Variants in MINDY3 observed in about 807,000 individuals in gnomAD.
MINDY3 encodes ubiquitin carboxyl-terminal hydrolase MINDY-3.
Under a neutral mutation model 69.2 loss-of-function variants are expected in MINDY3, and 38 were observed. The observed-to-expected ratio is 0.55, with a 90% CI of 0.42 to 0.72. The LOEUF is 0.72. Among genes scored for constraint, MINDY3 ranks in the 30% least tolerant of loss-of-function variants. The pLI is 0.00. For missense variants in MINDY3, 522 were observed against 519.0 expected (o/e 1.01, Z -0.06); for synonymous variants, 192 against 180.1 (o/e 1.07, Z -0.53).
chr10:15,840,376 C>G (rs1538562), intron 4 of MINDY3, among the ~76,000 whole-genome samples: 9 of 151,712 alleles, frequency 5.9e-5, no homozygotes, highest in Non-Finnish European at 7.4e-5. Flanking sequence ...TATAGCTGTT[C>G]AAATGTTCAA....
At position 15,847,804 on chromosome 10, in the gene MINDY3, G is replaced by A. The variant is rs887631921; in HGVS notation, c.174+60C>T. The A allele has an allele frequency of 4.2e-5, 51 of 1,225,286 alleles. 1 individual carries two copies. Among genetic ancestry groups the A allele is most frequent in the Middle Eastern group, 1.9e-4 (1 of 5,264 alleles). The allele number at this position is 1,225,286 out of a possible 1,614,324, so 75.9% of individuals were successfully genotyped here. On this transcript the variant is annotated intron_variant, in intron 2 of 14. Transcript: ENST00000277632. ...ATATGGAGTACAGACATTAGAAAAC[G>A]ACAAGTATGAAACGTTTCAAAATGT...
rs1836300770 is a variant in MINDY3 at position 15,778,952 on chromosome 10, C to T, written c.*40G>A. The T allele has an allele frequency of 6.3e-7, 1 of 1,577,682 alleles. No individual in the cohort carries two copies. The highest frequency in any genetic ancestry group is 8.7e-7 in the Non-Finnish European group (1 of 1,155,220). On this transcript the variant is annotated 3_prime_UTR_variant, in exon 15 of 15. Coordinates refer to ENST00000277632, the MANE Select transcript of MINDY3 (RefSeq NM_024948.4). ...TGCCAGTCTTGACTCCTTCTTTCAA[C>T]ATCTGTTATTAAGATCTTCCTTATA...
At chr10:15,803,787 A>G (rs1419878611) in intron 10 of MINDY3, among the ~76,000 whole-genome samples, 1 of 152,134 alleles carries the variant, frequency 6.6e-6, no homozygotes, top group Non-Finnish European at 1.5e-5. Flanking sequence ...ATTATCTTCC[A>G]AGATGAAGTT....
chr10:15,786,504 A>G, intron 13 of MINDY3, 57 bp downstream of exon 13: 1 of 1,038,284 alleles, frequency 9.6e-7, no homozygotes, highest in Non-Finnish European at 1.5e-6. Flanking sequence ...GCTGCAAACA[A>G]TCACAGGTAA....
intron 2 of MINDY3, among the ~76,000 whole-genome samples, chr10:15,844,651 A>T (rs979370106): frequency 3.9e-5 from 6 of 152,176 alleles, no homozygotes; most frequent in Non-Finnish European, 8.8e-5. Context: ...TTTCCATATT[A>T]AATATTTCTT....
At chr10:15,841,377 A>G in intron 4 of MINDY3, 49 bp downstream of exon 4, 3 of 1,446,132 alleles carry the variant, frequency 2.1e-6, no homozygotes, top group Non-Finnish European at 2.8e-6. Context: ...TAGATTCATT[A>G]AAACAAAGGA....
In MINDY3 at chr10:15,798,084, A is replaced by G. The variant is rs367821028; in HGVS notation, c.883-1912T>C. On this transcript the variant is annotated intron_variant, in intron 10 of 14. Transcript: ENST00000277632. Reference sequence around the variant, plus strand: ...ATTCTTTCTATTCGCCATCTGTTACATTCTCAACCTTTTTTTGCGGTCACC... The same window carrying G: ...ATTCTTTCTATTCGCCATCTGTTACGTTCTCAACCTTTTTTTGCGGTCACC... Among the ~76,000 whole-genome samples the G allele has an allele frequency of 1.4e-4, 22 of 152,280 alleles. No individual in the cohort carries two copies. In the East Asian group the frequency reaches 1.5e-3, roughly 11 times the overall value.
chr10:15,836,710 G>A (rs1373413906), intron 6 of MINDY3, among the ~76,000 whole-genome samples: 1 of 151,382 alleles, frequency 6.6e-6, no homozygotes, highest in African/African-American at 2.4e-5. Flanking sequence ...TGGATCCAGG[G>A]AAGAAAATTT....
chr10:15,789,318 A>C lies in MINDY3; in HGVS notation c.957T>G (p.Asp319Glu). ...GAAGTGAATCGGGTATGAATCCATTATCTAGGGGGGAAAAAATCAGAAACA... is the reference window on the plus strand; with the variant it reads ...GAAGTGAATCGGGTATGAATCCATTCTCTAGGGGGGAAAAAATCAGAAACA... ...RRVFQTYDPEDNGFIPDSLLE... is the reference protein window; with the variant it reads ...RRVFQTYDPEENGFIPDSLLE... Residue 319 changes from aspartate to glutamate, a missense_variant and splice_region_variant, in exon 12 of 15, where the codon GAT becomes GAG. Physicochemically the swap from Asp to Glu is conservative, Grantham distance 45. Coordinates refer to ENST00000277632, the MANE Select transcript of MINDY3 (RefSeq NM_024948.4). 6.2e-7 allele frequency: 1 copy of C among 1,609,414 alleles called. No individual in the cohort carries two copies. The highest frequency in any genetic ancestry group is 8.5e-7 in the Non-Finnish European group (1 of 1,176,792).
Position 15,843,270 on chromosome 10 carries a change from T to C in MINDY3, c.177A>G (p.Ala59=). The C allele has an allele frequency of 1.9e-6, 3 of 1,610,992 alleles. No homozygotes were observed. The highest frequency in any genetic ancestry group is 2.2e-5 in the East Asian group (1 of 44,786). Residue 59 remains alanine (A), a splice_region_variant and synonymous_variant, in exon 3 of 15, where the codon GCA becomes GCG. Transcript: ENST00000277632. The part of the protein sequence containing the change: ...GPCAVIAPVQ[A]FLLKKLLFSS... ...AAAACAGGAGCTTCTTCAAAAGAAA[T>C]GCCTTTACACAATTAAAGCAATAAT...
rs1839407727 is a variant in MINDY3 at position 15,816,873 on chromosome 10, C to A, written c.844G>T (p.Val282Phe). ...ACGGTGAGGTGAGTCTCACTGCCAACAATCCAAATAGGGAATTTTGGAGAT... is the reference window on the plus strand; with the variant it reads ...ACGGTGAGGTGAGTCTCACTGCCAAAAATCCAAATAGGGAATTTTGGAGAT... ...LKSPKFPIWI[V>F]GSETHLTVFF... Residue 282 changes from valine to phenylalanine, a missense_variant, in exon 10 of 15, where the codon GTT becomes TTT. Val to Phe is a conservative substitution (Grantham distance 50). Coordinates refer to ENST00000277632, the MANE Select transcript of MINDY3 (RefSeq NM_024948.4). The A allele has an allele frequency of 5.0e-6, 8 of 1,613,350 alleles. No homozygotes were observed. Among genetic ancestry groups the A allele is most frequent in the Non-Finnish European group, 6.8e-6 (8 of 1,179,610 alleles).
Position 15,843,177 on chromosome 10 carries a change from G to A in MINDY3, c.235+35C>T, listed in dbSNP as rs375693746. 3.7e-5 allele frequency: 57 copies of A among 1,558,808 alleles called. No homozygotes were observed. In the Middle Eastern group the frequency reaches 5.0e-4, roughly 14 times the overall value. On this transcript the variant is annotated intron_variant, in intron 3 of 14. Transcript: ENST00000277632. ...TTAGATCATCTCTATTAAAACAGAG[G>A]AGGAAGCAAAAGTTTTAAAAGACAG...
intron 9 of MINDY3, among the ~76,000 whole-genome samples, chr10:15,820,468 T>G (rs1490189189): frequency 3.3e-5 from 5 of 152,084 alleles, no homozygotes; most frequent in Non-Finnish European, 7.4e-5. Context: ...CCCGCCTCCA[T>G]GCTTAACTTT....
chr10:15,785,718 A>AAAG (rs1836904936), intron 13 of MINDY3, among the ~76,000 whole-genome samples: 1 of 152,146 alleles, frequency 6.6e-6, no homozygotes, highest in African/African-American at 2.4e-5. Context: ...CTTTCTTAAC[A>AAAG]ATTTTATCTT....
rs905172278 is a variant in MINDY3 at position 15,838,090 on chromosome 10, C to T, written c.461+138G>A. 4.7e-5 allele frequency: 60 copies of T among 1,282,052 alleles called. No homozygotes were observed. In the African/African-American group the frequency reaches 7.4e-4, roughly 16 times the overall value. 79.4% of individuals were successfully genotyped at this position (1,282,052 alleles called of 1,614,324 possible). ...TATTTTAATTTAAAGGCAAATTAAT[C>T]CTGAAGCAATGGATTTAAAATTTAT... On this transcript the variant is annotated intron_variant, in intron 5 of 14. Coordinates refer to ENST00000277632, the MANE Select transcript of MINDY3 (RefSeq NM_024948.4).
chr10:15,787,156 T>G (rs1837033751), intron 12 of MINDY3, among the ~76,000 whole-genome samples: 1 of 152,106 alleles, frequency 6.6e-6, no homozygotes, highest in South Asian at 2.1e-4. Context: ...CAATGTAATT[T>G]GAAGGTTAAA....
chr10:15,809,943 TTTC>T (rs1256484216), intron 10 of MINDY3, among the ~76,000 whole-genome samples: 2 of 152,154 alleles, frequency 1.3e-5, no homozygotes, highest in Admixed American at 1.3e-4. Flanking sequence ...TAAAATTATA[TTTC>T]TTCATGAAAG....
chr10:15,781,146 C>T (rs1219698961), intron 14 of MINDY3, among the ~76,000 whole-genome samples: 2 of 151,964 alleles, frequency 1.3e-5, no homozygotes, highest in Non-Finnish European at 2.9e-5. Context: ...AAAGAATATA[C>T]ATTGTCAAGA....
chr10:15,815,525 C>T, intron 10 of MINDY3, among the ~76,000 whole-genome samples: 1 of 152,156 alleles, frequency 6.6e-6, no homozygotes, highest in East Asian at 1.9e-4. Context: ...GCTCAAAAAG[C>T]TCAAGGAGTA....
Sources: allele counts gnomAD v4.1 joint callset (sites outside exome capture counted in the v4.1 genomes callset), GRCh38; gene constraint gnomAD v4.1.1; transcripts MANE v1.5; gene names NCBI Gene and HGNC (gene_info 2026-07-23, HGNC 2026-07-21).